Variants in DHX57 observed in about 807,000 individuals in gnomAD.
DHX57 encodes the protein DExH-box helicase 57.
DHX57 carries 105 observed loss-of-function variants against 156.2 expected under a neutral mutation model. That is an observed-to-expected ratio of 0.67 (90% confidence interval 0.57 to 0.79). DHX57 has a LOEUF of 0.79. Ranked by LOEUF, DHX57 falls within the 30% of genes least tolerant of loss-of-function variation. The pLI is 0.00. For missense variants in DHX57, 1,847 were observed against 1,661.9 expected, an observed-to-expected ratio of 1.11 and a Z score of -1.94; for synonymous variants, 704 against 595.6, an observed-to-expected ratio of 1.18 and a Z score of -2.65.
At chr2:38,864,732 C>G (rs945684525) in intron 2 of DHX57, among the ~76,000 whole-genome samples, 2 of 152,196 alleles carry the variant, frequency 1.3e-5, no homozygotes, top group African/African-American at 4.8e-5. Context: ...CCTGTAGCTA[C>G]TGACCCATCT....
Position 38,858,676 on chromosome 2 carries a change from C to A in DHX57, c.1572G>T (p.Gln524His), listed in dbSNP as rs1196761013. The change falls in exon 6 of 24, where the codon CAG becomes CAT. Residue 524 changes from glutamine (Q) to histidine (H), a missense_variant. By Grantham distance (24) the Gln-to-His change is conservative. Coordinates refer to ENST00000457308, the MANE Select transcript of DHX57 (RefSeq NM_198963.3). ...VHAENGKICK[Q>H]FRMKQASRQF... ...CATACCCTACCTGTTTCATTCGGAA[C>A]TGCTTGCAGATTTTACCATTTTCAG... 6 of 1,613,272 alleles carry A rather than the reference C, an allele frequency of 3.7e-6. No homozygotes were observed. Among genetic ancestry groups the A allele is most frequent in the Non-Finnish European group, 5.1e-6 (6 of 1,179,830 alleles).
At chr2:38,848,710 T>A (rs764468591) in intron 9 of DHX57, among the ~76,000 whole-genome samples, 2 of 152,218 alleles carry the variant, frequency 1.3e-5, no homozygotes. Flanking sequence ...GAAATCAATT[T>A]ATGTTTCATA....
chr2:38,815,402 T>C, intron 20 of DHX57, 119 bp downstream of exon 20: 1 of 1,280,428 alleles, frequency 7.8e-7, no homozygotes, highest in Non-Finnish European at 1.1e-6. Flanking sequence ...AAATCAAGAA[T>C]GCCATTAACC....
rs1194349791 is a variant in DHX57, at chr2:38,861,383, G to C, written c.1027C>G (p.Leu343Val). The change falls in exon 5 of 24, where the codon CTT (leucine) becomes GTT (valine). Residue 343 changes from leucine (L) to valine (V), a missense_variant. Coordinates refer to ENST00000457308, the MANE Select transcript of DHX57 (RefSeq NM_198963.3). ...AAAGATGCATCTTCAATAGCATTAA[G>C]ATGAGAATCATCTACACTTCTTTCT... The part of the protein sequence containing the change: ...RIERSVDDSH[L>V]NAIEDASFLY... The C allele has an allele frequency of 1.6e-5, 26 of 1,614,018 alleles. No homozygotes were observed. Among genetic ancestry groups the C allele is most frequent in the Non-Finnish European group, 2.2e-5 (26 of 1,179,998 alleles).
chr2:38,798,869 G>A (rs1669526400), intron 23 of DHX57, among the ~76,000 whole-genome samples: 1 of 152,146 alleles, frequency 6.6e-6, no homozygotes, highest in Non-Finnish European at 1.5e-5. Flanking sequence ...CTTGAACCCA[G>A]GAGGTGGAGG....
At chr2:38,818,983 C>G (rs1312954937) in intron 18 of DHX57, 23 bp from the exon 19 acceptor site, 7 of 1,614,166 alleles carry the variant, frequency 4.3e-6, no homozygotes, top group Non-Finnish European at 5.9e-6. Context: ...GAAAATCAAA[C>G]TGAACTTACT....
chr2:38,857,347 A>G (rs1401253235), intron 6 of DHX57, among the ~76,000 whole-genome samples: 2 of 152,234 alleles, frequency 1.3e-5, no homozygotes, highest in Non-Finnish European at 2.9e-5. Flanking sequence ...AATCAATTTC[A>G]TATTTAATGG....
intron 2 of DHX57, among the ~76,000 whole-genome samples, 193 bp downstream of exon 2, chr2:38,867,989 A>T (rs919113746): frequency 6.6e-6 from 1 of 152,198 alleles, no homozygotes; most frequent in Admixed American, 6.5e-5. Flanking sequence ...ATTACACTCA[A>T]TTCACAGTGT....
Position 38,861,316 on chromosome 2 carries a change from T to C in DHX57, c.1094A>G (p.Tyr365Cys), listed in dbSNP as rs567888517. Residue 365 changes from tyrosine (Y) to cysteine (C), a missense_variant, in exon 5 of 24, where the codon TAT becomes TGT. By Grantham distance (194) the Tyr-to-Cys change is radical. Transcript: ENST00000457308. The stretch of plus-strand genomic sequence containing the variant: ...TGCCACGAGCGGAGCTTGGTAGGGA[T>C]ATTTGTGGTCTTTAGAAAATCGAAT... Reference protein sequence around the residue: ...LEIRFSKDHKYPYQAPLVAFY... With the variant: ...LEIRFSKDHKCPYQAPLVAFY... 3 of 1,613,924 alleles carry C rather than the reference T, an allele frequency of 1.9e-6. No homozygotes were observed. Among genetic ancestry groups the C allele is most frequent in the Non-Finnish European group, 2.5e-6 (3 of 1,180,028 alleles).
chr2:38,824,172 A>T (rs954065835), intron 16 of DHX57, among the ~76,000 whole-genome samples: 1 of 152,248 alleles, frequency 6.6e-6, no homozygotes, highest in African/African-American at 2.4e-5. Flanking sequence ...AATACTACTC[A>T]GGCTTAAAAA....
At chr2:38,811,242 C>T (rs1373650929) in intron 21 of DHX57, 16 of 503,624 alleles carry the variant, frequency 3.2e-5, no homozygotes, top group Middle Eastern at 6.4e-4. Flanking sequence ...GGGATCCTCC[C>T]GGGAGCAATG....
At chr2:38,847,346 G>GC (rs1321588503) in intron 10 of DHX57, among the ~76,000 whole-genome samples, 1 of 151,724 alleles carries the variant, frequency 6.6e-6, no homozygotes, top group Non-Finnish European at 1.5e-5. Flanking sequence ...CTCCTCCCCT[G>GC]CCCCCGCCAC....
At chr2:38,875,212 T>G (rs1665551296) in intron 1 of DHX57, among the ~76,000 whole-genome samples, 3 of 152,182 alleles carry the variant, frequency 2.0e-5, no homozygotes, top group South Asian at 4.1e-4. Context: ...CCACTATCTA[T>G]TCCATCTAGC....
At position 38,804,319 on chromosome 2, in the gene DHX57, C is replaced by T. The variant is rs543160659; in HGVS notation, c.3817-1404G>A. ...TGGCCTGGCTAACATGGTGAGACCC[C>T]GTCTCTACAAAACTGCAAAAATTAG... On this transcript the variant is annotated intron_variant, in intron 22 of 23. Transcript: ENST00000457308. Among the ~76,000 whole-genome samples the T allele has an allele frequency of 5.3e-5, 8 of 152,034 alleles. No individual in the cohort carries two copies. In the South Asian group the frequency reaches 8.3e-4, roughly 16 times the overall value.
chr2:38,802,678 G>T, intron 23 of DHX57, 37 bp downstream of exon 23: 4 of 1,610,924 alleles, frequency 2.5e-6, no homozygotes, highest in Non-Finnish European at 3.4e-6. Context: ...GCCCCTCATG[G>T]CCTGAGCCTC....
At chr2:38,818,827 G>T in intron 19 of DHX57, 50 bp downstream of exon 19, 1 of 1,593,116 alleles carries the variant, frequency 6.3e-7, no homozygotes, top group Non-Finnish European at 8.6e-7. Flanking sequence ...GCACCCTCTG[G>T]TGAGCTACTC....
At position 38,797,964 on chromosome 2, in the gene DHX57, A is replaced by T; in HGVS notation, c.*335T>A. On this transcript the variant is annotated 3_prime_UTR_variant, in exon 24 of 24. Coordinates refer to ENST00000457308, the MANE Select transcript of DHX57 (RefSeq NM_198963.3). ...CACCCCAGTAAAAAGTAGGAGAAAAAGAATACACAGATTAAAACAGAATTG... is the reference window on the plus strand; with the variant it reads ...CACCCCAGTAAAAAGTAGGAGAAAATGAATACACAGATTAAAACAGAATTG... The T allele has an allele frequency of 5.1e-6, 1 of 197,156 alleles. No homozygotes were observed. The highest frequency in any genetic ancestry group is 1.1e-5 in the Non-Finnish European group (1 of 87,162). The allele number at this position is 197,156 out of a possible 1,614,324, so 12.2% of individuals were successfully genotyped here.
At chr2:38,818,029 G>T (rs945416465) in intron 19 of DHX57, among the ~76,000 whole-genome samples, 8 of 152,052 alleles carry the variant, frequency 5.3e-5, no homozygotes, top group African/African-American at 1.9e-4. Context: ...CACATAGTAG[G>T]TTCTGATAGA....
At chr2:38,822,281 A>G (rs1451998830) in intron 17 of DHX57, among the ~76,000 whole-genome samples, 1 of 151,902 alleles carries the variant, frequency 6.6e-6, no homozygotes, top group African/African-American at 2.4e-5. Context: ...GGGTTTCTCC[A>G]TGTTGGTCAG....
Sources: gnomAD v4.1 joint callset for allele counts (sites outside exome capture counted in the v4.1 genomes callset) on GRCh38, gnomAD v4.1.1 for gene constraint, MANE v1.5 for transcripts, NCBI Gene and HGNC (gene_info 2026-07-23, HGNC 2026-07-21) for gene names.